Variants in GPM6A observed in about 807,000 individuals in gnomAD.
GPM6A encodes the protein neuronal membrane glycoprotein M6-a.
In GPM6A, 7 loss-of-function variants were observed where a neutral mutation model predicts 32.1. The ratio of observed to expected loss-of-function variants is 0.22; its 90% CI spans 0.12 to 0.41. GPM6A has a LOEUF of 0.41. GPM6A is among the 10% of genes least tolerant of loss of function. GPM6A has a pLI of 1.00. For missense variants in GPM6A, 235 were observed against 347.2 expected, an observed-to-expected ratio of 0.68 and a Z score of 2.57; for synonymous variants, 130 against 123.4, an observed-to-expected ratio of 1.05 and a Z score of -0.35.
At chr4:175,783,336 A>C (rs957606619) in intron 1 of GPM6A, among the ~76,000 whole-genome samples, 1 of 151,884 alleles carries the variant, frequency 6.6e-6, no homozygotes, top group African/African-American at 2.4e-5. Context: ...AACAATTGTG[A>C]ATTATTCATG....
chr4:175,951,456 A>G lies in GPM6A; in HGVS notation c.-23+50853T>C, dbSNP rs376348243. ...GATAGAGTTGGACAAGCACTGGCCTATAAGTCCGAAATTTCTGGATTCCAT... is the reference window on the plus strand; with the variant it reads ...GATAGAGTTGGACAAGCACTGGCCTGTAAGTCCGAAATTTCTGGATTCCAT... On this transcript the variant is annotated intron_variant, in intron 1 of 7. Transcript: ENST00000280187. Among the ~76,000 whole-genome samples, 9 of 152,324 alleles carry G rather than the reference A, an allele frequency of 5.9e-5. 1 individual carries two copies. The highest frequency in any genetic ancestry group is 5.8e-4 in the East Asian group (3 of 5,180).
intron 1 of GPM6A, among the ~76,000 whole-genome samples, chr4:175,767,383 G>T (rs1449554637): frequency 6.6e-6 from 1 of 152,166 alleles, no homozygotes; most frequent in Non-Finnish European, 1.5e-5. Context: ...AAAACTGCTT[G>T]TAACCTGGCC....
intron 1 of GPM6A, among the ~76,000 whole-genome samples, chr4:175,747,731 G>A (rs1579454770): frequency 2.6e-5 from 4 of 152,262 alleles, no homozygotes; most frequent in Admixed American, 2.0e-4. Context: ...AACAGATCAG[G>A]GTGGTGGTTG....
At chr4:175,642,219 G>C (rs554643410) in intron 4 of GPM6A, 1 of 152,204 alleles carries the variant, frequency 6.6e-6, no homozygotes, top group East Asian at 1.9e-4. Flanking sequence ...AAATTTAAAA[G>C]GGTTCTCTCA....
At position 175,992,091 on chromosome 4, in the gene GPM6A, C is replaced by G. The variant is rs561098433; in HGVS notation, c.-23+10218G>C. Among the ~76,000 whole-genome samples the G allele has an allele frequency of 1.5e-3, 225 of 151,552 alleles. 7 individuals are homozygous for G. The highest frequency in any genetic ancestry group is 1.7e-3 in the African/African-American group (71 of 41,244). On this transcript the variant is annotated intron_variant, in intron 1 of 7. Transcript: ENST00000280187. ...ACACACACACACACACACACACACA[C>G]AGAGATGTAAATAGCAATCTAAAAG...
At chr4:175,917,023 T>C (rs1738515191) in intron 1 of GPM6A, among the ~76,000 whole-genome samples, 1 of 152,226 alleles carries the variant, frequency 6.6e-6, no homozygotes, top group South Asian at 2.1e-4. Context: ...TGATTTACTA[T>C]AAGCATTCTT....
chr4:175,899,059 C>G (rs920237788), intron 1 of GPM6A, among the ~76,000 whole-genome samples: 5 of 152,108 alleles, frequency 3.3e-5, no homozygotes, highest in African/African-American at 1.2e-4. Flanking sequence ...TAAGCAAAAC[C>G]TTAGTCAGTT....
At chr4:175,689,232 A>G (rs1365474347) in intron 2 of GPM6A, among the ~76,000 whole-genome samples, 1 of 152,176 alleles carries the variant, frequency 6.6e-6, no homozygotes, top group Non-Finnish European at 1.5e-5. Context: ...GATTTACTCT[A>G]TTTCTGCAAA....
intron 1 of GPM6A, among the ~76,000 whole-genome samples, chr4:175,704,189 A>G (rs1043865602): frequency 2.0e-5 from 3 of 152,116 alleles, no homozygotes; most frequent in Admixed American, 6.6e-5. Flanking sequence ...TGACAATTCT[A>G]GTCCATCCCA....
At chr4:175,942,862 T>G (rs1326757333) in intron 1 of GPM6A, among the ~76,000 whole-genome samples, 1 of 152,090 alleles carries the variant, frequency 6.6e-6, no homozygotes, top group Non-Finnish European at 1.5e-5. Context: ...GCTGTACAGG[T>G]TCTTTTTTTG....
At chr4:175,863,667 A>T (rs193030317) in intron 1 of GPM6A, among the ~76,000 whole-genome samples, 1 of 152,260 alleles carries the variant, frequency 6.6e-6, no homozygotes, top group East Asian at 1.9e-4. Flanking sequence ...TTATTTTCCA[A>T]AATTGAACAA....
chr4:175,975,337 G>GATT (rs10689583), intron 1 of GPM6A, among the ~76,000 whole-genome samples: 32,864 of 152,040 alleles, frequency 0.22, 4,689 homozygotes, highest in African/African-American at 0.4. Flanking sequence ...TGAGTAACAA[G>GATT]ATTTATTGGG....
At chr4:175,900,529 A>G (rs187284267) in intron 1 of GPM6A, among the ~76,000 whole-genome samples, 5 of 152,234 alleles carry the variant, frequency 3.3e-5, no homozygotes, top group Non-Finnish European at 7.4e-5. Flanking sequence ...AGTGCTCAAC[A>G]TCATTGATCA....
chr4:175,892,825 T>C (rs1337963888), intron 1 of GPM6A, among the ~76,000 whole-genome samples: 1 of 152,206 alleles, frequency 6.6e-6, no homozygotes, highest in African/African-American at 2.4e-5. Context: ...GTCTTCCAGA[T>C]TTTTACCTAT....
chr4:175,783,633 T>C (rs1270909930), intron 1 of GPM6A, among the ~76,000 whole-genome samples: 1 of 151,994 alleles, frequency 6.6e-6, no homozygotes, highest in African/African-American at 2.4e-5. Flanking sequence ...AAATGAATTG[T>C]CTCATTTAAA....
intron 6 of GPM6A, among the ~76,000 whole-genome samples, chr4:175,639,849 T>C (rs1367438173): frequency 1.3e-5 from 2 of 152,136 alleles, no homozygotes; most frequent in Non-Finnish European, 2.9e-5. Context: ...TATGTACATA[T>C]ATGCTACAGA....
chr4:175,768,066 A>T (rs974596169), intron 1 of GPM6A, among the ~76,000 whole-genome samples: 6 of 152,172 alleles, frequency 3.9e-5, no homozygotes, highest in African/African-American at 1.2e-4. Flanking sequence ...ACACAACAAA[A>T]TTGGAACTTC....
chr4:175,959,541 C>T (rs1367125370), intron 1 of GPM6A, among the ~76,000 whole-genome samples: 1 of 152,054 alleles, frequency 6.6e-6, no homozygotes, highest in Non-Finnish European at 1.5e-5. Context: ...ATGAGAAGAG[C>T]ATCAGAGCTT....
At chr4:175,724,483 T>C (rs1043358924) in intron 1 of GPM6A, among the ~76,000 whole-genome samples, 7 of 152,106 alleles carry the variant, frequency 4.6e-5, no homozygotes, top group Non-Finnish European at 1.0e-4. Context: ...AGGCGGAGGT[T>C]GCAGTAAGCC....
Sources: gnomAD v4.1 joint callset for allele counts (sites outside exome capture counted in the v4.1 genomes callset) on GRCh38, gnomAD v4.1.1 for gene constraint, MANE v1.5 for transcripts, NCBI Gene and HGNC (gene_info 2026-07-23, HGNC 2026-07-21) for gene names.